Variants in POU2F3 observed in about 807,000 individuals in gnomAD.
POU2F3 encodes POU domain, class 2, transcription factor 3.
In POU2F3, 23 loss-of-function variants were observed where a neutral mutation model predicts 59.2. The observed-to-expected ratio is 0.39, with a 90% confidence interval of 0.28 to 0.55. The LOEUF (loss-of-function observed/expected upper bound fraction) is 0.55, where lower values mean the gene tolerates loss of function less well. Ranked by LOEUF, POU2F3 falls within the 20% of genes least tolerant of loss-of-function variation. The pLI is 0.66. For synonymous variants in POU2F3, 190 were observed against 214.6 expected (o/e 0.89, Z 1.00); for missense variants, 473 against 544.5 (o/e 0.87, Z 1.31).
chr11:120,257,416 C>T (rs1340992675), intron 2 of POU2F3, among the ~76,000 whole-genome samples: 1 of 151,994 alleles, frequency 6.6e-6, no homozygotes, highest in Non-Finnish European at 1.5e-5. Context: ...CCCGGCACCA[C>T]GTGACCTGCT....
At position 120,285,267 on chromosome 11, in the gene POU2F3, G is replaced by A. The variant is rs1471443525; in HGVS notation, c.133-12998G>A. The stretch of plus-strand genomic sequence containing the variant: ...TGCTGACACCCCTGTCAGATGGCCT[G>A]TGGTCCCAAGTCTCTGCCAAAACTC... On this transcript the variant is annotated intron_variant, in intron 3 of 12. Transcript: ENST00000543440. This position sits in a 1 kb window ranked among gnomAD's most constrained non-coding sequence, Gnocchi z 4.3. Among the ~76,000 whole-genome samples the A allele has an allele frequency of 6.6e-6, 1 of 152,180 alleles. No homozygotes were observed. Among genetic ancestry groups the A allele is most frequent in the African/African-American group, 2.4e-5 (1 of 41,444 alleles).
intron 10 of POU2F3, among the ~76,000 whole-genome samples, chr11:120,311,042 G>T (rs150439218): frequency 1.9e-3 from 287 of 152,276 alleles, no homozygotes; most frequent in Non-Finnish European, 2.9e-3. Context: ...AATAAATGTG[G>T]GTGGAGCTCT....
At position 120,264,069 on chromosome 11, in the gene POU2F3, T is replaced by C. The variant is rs376849563; in HGVS notation, c.98-5141T>C. On this transcript the variant is annotated intron_variant, in intron 2 of 12. Transcript: ENST00000543440. Reference sequence around the variant, plus strand: ...AAGCCACTGACTCTAAAAAACATGGTATGTGCTATAAGGGATAAGAGCTGG... The same window carrying C: ...AAGCCACTGACTCTAAAAAACATGGCATGTGCTATAAGGGATAAGAGCTGG... Among the ~76,000 whole-genome samples the C allele has an allele frequency of 4.6e-5, 7 of 152,212 alleles. No homozygotes were observed. The East Asian group carries it at 1.4e-3, about 29-fold the overall frequency.
At chr11:120,271,567 G>C (rs919882029) in intron 3 of POU2F3, among the ~76,000 whole-genome samples, 1 of 152,222 alleles carries the variant, frequency 6.6e-6, no homozygotes, top group Non-Finnish European at 1.5e-5. Flanking sequence ...CTTCCATACC[G>C]AGACATGGCA....
At chr11:120,295,017 G>A (rs753481708) in intron 3 of POU2F3, among the ~76,000 whole-genome samples, 3 of 151,952 alleles carry the variant, frequency 2.0e-5, no homozygotes, top group African/African-American at 4.8e-5. Context: ...TAATGCAGAG[G>A]GTTGTCAGAA....
chr11:120,302,289 T>G lies in POU2F3; in HGVS notation c.365T>G (p.Leu122Arg). ...TTGTCCCTCCCCTTTCACCCAGGTC[T>G]GCAGCCAAATCTCCTCCCCTTTCCA... ...LSQTQPGQQG[L>R]QPNLLPFPQQ... The change falls in exon 6 of 13, where the codon CTG becomes CGG. Residue 122 changes from leucine to arginine, a missense_variant. Physicochemically the swap from Leu to Arg is moderately radical, Grantham distance 102 (BLOSUM62 -2). Transcript: ENST00000543440. 1 of 1,607,866 alleles carries G rather than the reference T, an allele frequency of 6.2e-7. No individual in the cohort carries two copies. The highest frequency in any genetic ancestry group is 1.1e-5 in the South Asian group (1 of 90,800).
chr11:120,305,315 G>C, intron 7 of POU2F3, 103 bp downstream of exon 7: 2 of 1,337,550 alleles, frequency 1.5e-6, no homozygotes, highest in South Asian at 2.9e-5. Context: ...GATGTGTTTG[G>C]GGTCTCCTCA....
chr11:120,240,791 T>C (rs539031217), intron 1 of POU2F3, among the ~76,000 whole-genome samples: 2 of 152,028 alleles, frequency 1.3e-5, no homozygotes, highest in African/African-American at 2.4e-5. Flanking sequence ...TCCGGGCATA[T>C]GTGTGAAATG....
At chr11:120,291,139 G>C (rs1311495932) in intron 3 of POU2F3, among the ~76,000 whole-genome samples, 1 of 152,206 alleles carries the variant, frequency 6.6e-6, no homozygotes, top group Non-Finnish European at 1.5e-5. Flanking sequence ...TAGTCATTGA[G>C]AACTCTGAGT....
chr11:120,260,833 C>T (rs1198814115), intron 2 of POU2F3, among the ~76,000 whole-genome samples: 2 of 152,060 alleles, frequency 1.3e-5, no homozygotes, highest in Non-Finnish European at 1.5e-5. Flanking sequence ...TTTGGGATGC[C>T]GAGGCAGGAG....
intron 3 of POU2F3, among the ~76,000 whole-genome samples, chr11:120,284,786 C>T (rs1289883170): frequency 6.6e-6 from 1 of 151,690 alleles, no homozygotes; most frequent in Non-Finnish European, 1.5e-5. Flanking sequence ...GAGCCTTTAG[C>T]CCCGGGGTGA....
In POU2F3 at chr11:120,315,538, G is replaced by C. The variant is rs539465192; in HGVS notation, c.1135+111G>C. On this transcript the variant is annotated intron_variant, in intron 11 of 12. Coordinates refer to ENST00000543440, the MANE Select transcript of POU2F3 (RefSeq NM_014352.4). ...AGGCTTCCCTAAATGCATTTCAAAGGATATTAAAATCTGTGTTGGGAAAAA... is the reference window on the plus strand; with the variant it reads ...AGGCTTCCCTAAATGCATTTCAAAGCATATTAAAATCTGTGTTGGGAAAAA... 2,450 of 1,019,398 alleles carry C rather than the reference G, an allele frequency of 2.4e-3. 4 individuals carry two copies. The highest frequency in any genetic ancestry group is 3.4e-3 in the Non-Finnish European group (2,322 of 680,826). 63.1% of individuals were successfully genotyped at this position (1,019,398 alleles called of 1,614,324 possible).
At chr11:120,302,482 G>T in intron 6 of POU2F3, 114 bp downstream of exon 6, 1 of 948,178 alleles carries the variant, frequency 1.1e-6, no homozygotes, top group South Asian at 1.8e-5. Flanking sequence ...TGGGGAGAGG[G>T]GATAGCAGGG....
intron 3 of POU2F3, among the ~76,000 whole-genome samples, chr11:120,286,114 A>T (rs1591416737): frequency 6.6e-6 from 1 of 151,996 alleles, no homozygotes; most frequent in Middle Eastern, 3.2e-3. Flanking sequence ...CGAACTCCTG[A>T]CCTCAAGTGA....
intron 3 of POU2F3, among the ~76,000 whole-genome samples, chr11:120,281,802 A>G (rs1940581258): frequency 6.6e-6 from 1 of 152,110 alleles, no homozygotes; most frequent in Non-Finnish European, 1.5e-5. Context: ...CTCCACCAAC[A>G]CAATCTGTGT....
chr11:120,279,476 T>C (rs1940471617), intron 3 of POU2F3, among the ~76,000 whole-genome samples: 1 of 152,242 alleles, frequency 6.6e-6, no homozygotes, highest in Non-Finnish European at 1.5e-5. Context: ...GTGTGGTTAC[T>C]TAGCTGGGCT....
intron 2 of POU2F3, among the ~76,000 whole-genome samples, chr11:120,258,196 C>T (rs1939430599): frequency 2.6e-5 from 4 of 152,150 alleles, no homozygotes; most frequent in Non-Finnish European, 2.9e-5. Flanking sequence ...CCTGCTCTTT[C>T]GCTCTCTACC....
intron 2 of POU2F3, among the ~76,000 whole-genome samples, chr11:120,261,473 T>C (rs1939601926): frequency 6.6e-6 from 1 of 151,996 alleles, no homozygotes; most frequent in Non-Finnish European, 1.5e-5. Flanking sequence ...TTCCCAGGGG[T>C]CCATGAGAAC....
chr11:120,251,340 ACTCT>A (rs1322148382), intron 2 of POU2F3, among the ~76,000 whole-genome samples: 8 of 151,870 alleles, frequency 5.3e-5, no homozygotes, highest in Admixed American at 6.6e-5. Context: ...ACGCACACAC[ACTCT>A]CCCTCCCTTT....
Sources: allele counts gnomAD v4.1 joint callset (sites outside exome capture counted in the v4.1 genomes callset), GRCh38; gene constraint gnomAD v4.1.1; non-coding constraint Gnocchi (gnomAD v3.1); transcripts MANE v1.5; gene names NCBI Gene and HGNC (gene_info 2026-07-23, HGNC 2026-07-21).